Variants in PDE4B observed in about 807,000 individuals in gnomAD.
PDE4B encodes phosphodiesterase 4B.
A neutral mutation model predicts 82.2 loss-of-function variants in PDE4B; 20 were observed. That is an observed-to-expected ratio of 0.24 (90% CI 0.17 to 0.35). PDE4B has a LOEUF of 0.35. Among genes scored for constraint, PDE4B ranks in the 10% least tolerant of loss-of-function variants. The pLI is 1.00. For synonymous variants in PDE4B, 320 were observed against 318.9 expected (o/e 1.00, Z -0.04); for missense variants, 655 against 907.2 (o/e 0.72, Z 3.57).
At chr1:65,991,672 C>G (rs1230833049) in intron 3 of PDE4B, among the ~76,000 whole-genome samples, 2 of 152,164 alleles carry the variant, frequency 1.3e-5, no homozygotes, top group African/African-American at 4.8e-5. Context: ...CAATATATAT[C>G]TACATGTTAG....
intron 3 of PDE4B, among the ~76,000 whole-genome samples, chr1:65,931,803 C>G (rs1045700379): frequency 2.0e-5 from 3 of 152,218 alleles, no homozygotes; most frequent in Non-Finnish European, 4.4e-5. Context: ...CAGCTTCTCC[C>G]TGGAGAGTAA....
chr1:66,013,483 G>A (rs1426330288), intron 3 of PDE4B, among the ~76,000 whole-genome samples: 2 of 151,964 alleles, frequency 1.3e-5, no homozygotes, highest in Non-Finnish European at 2.9e-5. Flanking sequence ...TTAAATTTAA[G>A]TGTGGTGAAA....
intron 1 of PDE4B, among the ~76,000 whole-genome samples, chr1:65,832,186 C>T (rs758790464): frequency 3.9e-5 from 6 of 152,008 alleles, no homozygotes; most frequent in Non-Finnish European, 5.9e-5. Context: ...TATGAAGATT[C>T]TGAGGTAGGA....
chr1:65,958,766 A>G (rs1437239815), intron 3 of PDE4B, among the ~76,000 whole-genome samples: 2 of 148,108 alleles, frequency 1.4e-5, no homozygotes, highest in South Asian at 2.1e-4. Flanking sequence ...GCGCGCGCGC[A>G]CACACATACA....
At chr1:66,113,788 A>G (rs1367489735) in intron 3 of PDE4B, among the ~76,000 whole-genome samples, 1 of 152,202 alleles carries the variant, frequency 6.6e-6, no homozygotes, top group Non-Finnish European at 1.5e-5. Context: ...AAACTATAAT[A>G]CTACCAGAAA....
chr1:66,044,547 A>T (rs1654580829), intron 3 of PDE4B, among the ~76,000 whole-genome samples: 1 of 151,768 alleles, frequency 6.6e-6, no homozygotes, highest in African/African-American at 2.4e-5. Context: ...TTTTAAGTAA[A>T]TGTTTAAAAC....
rs1289148672 is a variant in PDE4B at position 66,368,866 on chromosome 1, G to A, written c.1742G>A (p.Arg581His). Residue 581 changes from arginine to histidine, a missense_variant, in exon 16 of 17, where the codon CGC (arginine) becomes CAC (histidine). Arg to His is a conservative substitution (Grantham distance 29). Transcript: ENST00000341517. ...SLELYRQWTD[R>H]IMEEFFQQGD... ...GAATTGTATCGGCAATGGACAGACC[G>A]CATCATGGAGGAATTTTTCCAGCAG... 3.1e-6 allele frequency: 5 copies of A among 1,613,302 alleles called. No homozygotes were observed. The highest frequency in any genetic ancestry group is 4.2e-6 in the Non-Finnish European group (5 of 1,179,516).
At chr1:66,013,518 G>A (rs1044129896) in intron 3 of PDE4B, among the ~76,000 whole-genome samples, 20 of 151,526 alleles carry the variant, frequency 1.3e-4, no homozygotes, top group African/African-American at 3.9e-4. Context: ...TACCATCTTC[G>A]CTATTTCTAG....
At chr1:65,987,331 A>G (rs949077593) in intron 3 of PDE4B, among the ~76,000 whole-genome samples, 1 of 152,210 alleles carries the variant, frequency 6.6e-6, no homozygotes, top group African/African-American at 2.4e-5. Context: ...ATAGCATCAT[A>G]TGGATAAAAG....
intron 3 of PDE4B, among the ~76,000 whole-genome samples, chr1:66,117,216 C>T (rs970081649): frequency 7.9e-5 from 12 of 152,002 alleles, no homozygotes; most frequent in African/African-American, 2.9e-4. Context: ...AGCTATATTC[C>T]ATCACTTTGT....
intron 3 of PDE4B, among the ~76,000 whole-genome samples, chr1:65,975,974 A>G (rs559211485): frequency 6.6e-6 from 1 of 152,314 alleles, no homozygotes; most frequent in East Asian, 1.9e-4. Flanking sequence ...TGAAGCTCCC[A>G]CACAGAGTCC....
intron 3 of PDE4B, among the ~76,000 whole-genome samples, chr1:66,157,310 T>TCTGGAACAGCTTTTTAAC (rs1241499779): frequency 6.6e-6 from 1 of 152,244 alleles, no homozygotes; most frequent in African/African-American, 2.4e-5. Flanking sequence ...CACTTAGACT[T>TCTGGAACAGCTTTTTAAC]CTGGAACAGC....
intron 3 of PDE4B, among the ~76,000 whole-genome samples, chr1:65,997,408 TA>T (rs1452891373): frequency 2.6e-5 from 4 of 152,138 alleles, no homozygotes; most frequent in Non-Finnish European, 5.9e-5. Context: ...ACAAAAGTTT[TA>T]AAAGCCATAG....
chr1:66,365,910 C>T (rs778691040), intron 13 of PDE4B, 144 bp downstream of exon 13: 2 of 502,582 alleles, frequency 4.0e-6, no homozygotes, highest in Non-Finnish European at 7.1e-6. Flanking sequence ...TCAGGCCTTT[C>T]GTGGATACTC....
chr1:65,973,033 T>C (rs1168754368), intron 3 of PDE4B, among the ~76,000 whole-genome samples: 1 of 152,160 alleles, frequency 6.6e-6, no homozygotes, highest in Non-Finnish European at 1.5e-5. Context: ...CCATTCTGTT[T>C]GTTTCAGAAA....
At chr1:66,151,426 C>T (rs1646391898) in intron 3 of PDE4B, among the ~76,000 whole-genome samples, 1 of 152,144 alleles carries the variant, frequency 6.6e-6, no homozygotes, top group South Asian at 2.1e-4. Flanking sequence ...CCATGCTGAA[C>T]TCATGATAAT....
At chr1:66,015,091 A>G (rs544110801) in intron 3 of PDE4B, among the ~76,000 whole-genome samples, 77 of 152,142 alleles carry the variant, frequency 5.1e-4, no homozygotes, top group Non-Finnish European at 9.0e-4. Flanking sequence ...TAACAACAGA[A>G]TGCTATTTTG....
intron 3 of PDE4B, among the ~76,000 whole-genome samples, chr1:66,032,545 C>T (rs545368540): frequency 6.6e-6 from 1 of 152,062 alleles, no homozygotes; most frequent in Non-Finnish European, 1.5e-5. Flanking sequence ...AATAGTTTCA[C>T]AAGTGCAAGA....
At chr1:65,851,788 G>T (rs1348865205) in intron 1 of PDE4B, among the ~76,000 whole-genome samples, 2 of 151,756 alleles carry the variant, frequency 1.3e-5, no homozygotes, top group African/African-American at 4.8e-5. Context: ...TTCTCACCTT[G>T]CTGCTCTAGT....
Sources: gnomAD v4.1 joint callset for allele counts (sites outside exome capture counted in the v4.1 genomes callset) on GRCh38, gnomAD v4.1.1 for gene constraint, MANE v1.5 for transcripts, NCBI Gene and HGNC (gene_info 2026-07-23, HGNC 2026-07-21) for gene names.